The following SPAG16 variants were observed in gnomAD, a reference collection of about 807,000 sequenced individuals.
SPAG16 encodes the protein sperm-associated antigen 16 protein.
SPAG16 carries 86 observed loss-of-function variants against 80.4 expected under a neutral mutation model. That is an observed-to-expected ratio of 1.07 (90% CI 0.90 to 1.28). SPAG16 has a LOEUF of 1.28. SPAG16 is among the 50% of genes most tolerant of loss of function. SPAG16 has a pLI of 0.00. For synonymous variants in SPAG16, 294 were observed against 265.9 expected (o/e 1.11, Z -1.03); for missense variants, 870 against 765.3 (o/e 1.14, Z -1.61).
At chr2:213,453,371 A>G (rs75022987) in intron 9 of SPAG16, among the ~76,000 whole-genome samples, 2 of 152,196 alleles carry the variant, frequency 1.3e-5, no homozygotes, top group African/African-American at 4.8e-5. Context: ...CTCTAAAACT[A>G]CTATTCTGCA....
intron 10 of SPAG16, among the ~76,000 whole-genome samples, chr2:213,689,093 G>A (rs964463806): frequency 2.0e-5 from 3 of 152,150 alleles, no homozygotes; most frequent in Non-Finnish European, 4.4e-5. Context: ...CTGAGCAGCT[G>A]GGATCACAGG....
intron 10 of SPAG16, among the ~76,000 whole-genome samples, chr2:213,853,443 A>G (rs1290492308): frequency 6.6e-6 from 1 of 152,196 alleles, no homozygotes; most frequent in Non-Finnish European, 1.5e-5. Context: ...GTGTCCTATT[A>G]TAAACGAAAA....
intron 10 of SPAG16, among the ~76,000 whole-genome samples, chr2:213,686,916 C>A (rs2125281128): frequency 6.6e-6 from 1 of 150,988 alleles, no homozygotes; most frequent in East Asian, 2.0e-4. Context: ...ATGTCCTGAC[C>A]TCGTGATCTG....
At chr2:213,765,971 A>C (rs549681443) in intron 10 of SPAG16, among the ~76,000 whole-genome samples, 1 of 152,210 alleles carries the variant, frequency 6.6e-6, no homozygotes, top group South Asian at 2.1e-4. Flanking sequence ...TGAATGTAAC[A>C]TTGACCTGGA....
At chr2:213,342,437 A>T (rs76071405) in intron 6 of SPAG16, among the ~76,000 whole-genome samples, 3,532 of 149,698 alleles carry the variant, frequency 0.024, 57 homozygotes, top group African/African-American at 0.039. Flanking sequence ...TGTACATACT[A>T]CCTAAATTTT....
intron 15 of SPAG16, among the ~76,000 whole-genome samples, chr2:214,298,916 G>A (rs1694347822): frequency 6.6e-6 from 1 of 152,152 alleles, no homozygotes; most frequent in Admixed American, 6.5e-5. Flanking sequence ...ATATTTGTGA[G>A]TGCCTAGTCA....
chr2:213,445,237 A>G (rs1457582083), intron 9 of SPAG16, among the ~76,000 whole-genome samples: 1 of 152,228 alleles, frequency 6.6e-6, no homozygotes, highest in Non-Finnish European at 1.5e-5. Context: ...ACGGAAGAAA[A>G]TACTTGCAAA....
chr2:213,572,677 A>C (rs1021413012), intron 10 of SPAG16, among the ~76,000 whole-genome samples: 1 of 151,978 alleles, frequency 6.6e-6, no homozygotes, highest in Non-Finnish European at 1.5e-5. Flanking sequence ...TGCAGAGGTT[A>C]CTGCTGTCTT....
chr2:213,511,845 A>G (rs2075238177), intron 10 of SPAG16, among the ~76,000 whole-genome samples: 1 of 152,082 alleles, frequency 6.6e-6, no homozygotes, highest in Non-Finnish European at 1.5e-5. Flanking sequence ...AGGGTGGCCA[A>G]TCTACTAAAA....
At chr2:214,073,327 C>G (rs992904358) in intron 13 of SPAG16, among the ~76,000 whole-genome samples, 1 of 151,254 alleles carries the variant, frequency 6.6e-6, no homozygotes, top group Admixed American at 6.6e-5. Context: ...ACCTCCAACT[C>G]CCCTGGTTCA....
chr2:213,499,248 G>A (rs2074632507), intron 10 of SPAG16, among the ~76,000 whole-genome samples: 1 of 152,022 alleles, frequency 6.6e-6, no homozygotes, highest in African/African-American at 2.4e-5. Context: ...CCTAAAGTAT[G>A]TTTCTATACT....
rs765902702 is a variant in SPAG16 at position 214,320,830 on chromosome 2, G to A, written c.1721-89310G>A. Reference sequence around the variant, plus strand: ...TTCAAGATGAGATTTGGGTGGGGAGGCAAAGCCTAACCATATCACTTGTAC... The same window carrying A: ...TTCAAGATGAGATTTGGGTGGGGAGACAAAGCCTAACCATATCACTTGTAC... On this transcript the variant is annotated intron_variant, in intron 15 of 15. Coordinates refer to ENST00000331683, the MANE Select transcript of SPAG16 (RefSeq NM_024532.5). Among the ~76,000 whole-genome samples, 111 of 152,180 alleles carry A rather than the reference G, an allele frequency of 7.3e-4. 2 individuals are homozygous for A. The highest frequency in any genetic ancestry group is 2.8e-4 in the Non-Finnish European group (19 of 68,034).
intron 12 of SPAG16, among the ~76,000 whole-genome samples, chr2:213,936,198 C>T (rs182212401): frequency 1.4e-3 from 220 of 152,142 alleles, no homozygotes; most frequent in African/African-American, 5.2e-3. Flanking sequence ...GTAGCATGAC[C>T]CATGTGACTG....
At chr2:213,304,170 A>G (rs558821333) in intron 3 of SPAG16, among the ~76,000 whole-genome samples, 1 of 152,168 alleles carries the variant, frequency 6.6e-6, no homozygotes, top group South Asian at 2.1e-4. Flanking sequence ...ACTGTTTGCC[A>G]TTTGTATATC....
chr2:213,737,320 A>T (rs1028263297), intron 10 of SPAG16, among the ~76,000 whole-genome samples: 1 of 152,138 alleles, frequency 6.6e-6, no homozygotes, highest in Non-Finnish European at 1.5e-5. Context: ...CAGTTATAGC[A>T]TACTATACTC....
rs1004550554 is a variant in SPAG16 at position 213,754,535 on chromosome 2, G to T, written c.1071-107950G>T. Reference sequence around the variant, plus strand: ...GTCTAGTCAGTGTAGCTTCATAATTGATGTAAAACAATGCAGAAACATATT... The same window carrying T: ...GTCTAGTCAGTGTAGCTTCATAATTTATGTAAAACAATGCAGAAACATATT... On this transcript the variant is annotated intron_variant, in intron 10 of 15. Transcript: ENST00000331683. 2.0e-5 allele frequency among the ~76,000 whole-genome samples: 3 copies of T among 152,064 alleles called. No homozygotes were observed. The East Asian group carries it at 5.8e-4, about 29-fold the overall frequency.
At chr2:214,405,798 A>G (rs1701964056) in intron 15 of SPAG16, among the ~76,000 whole-genome samples, 1 of 152,218 alleles carries the variant, frequency 6.6e-6, no homozygotes, top group Non-Finnish European at 1.5e-5. Flanking sequence ...ACTCCATCTC[A>G]AAAATAAATA....
At chr2:214,268,459 C>T (rs1323073361) in intron 15 of SPAG16, among the ~76,000 whole-genome samples, 1 of 151,858 alleles carries the variant, frequency 6.6e-6, no homozygotes, top group African/African-American at 2.4e-5. Flanking sequence ...CAATAGAATA[C>T]TATTCAGCCT....
At chr2:213,854,616 G>A (rs776236995) in intron 10 of SPAG16, among the ~76,000 whole-genome samples, 20 of 152,136 alleles carry the variant, frequency 1.3e-4, no homozygotes, top group Non-Finnish European at 2.8e-4. Flanking sequence ...TCTAAGTCCT[G>A]TACAAGTATT....
Sources: allele counts gnomAD v4.1 joint callset (sites outside exome capture counted in the v4.1 genomes callset), GRCh38; gene constraint gnomAD v4.1.1; transcripts MANE v1.5; gene names NCBI Gene and HGNC (gene_info 2026-07-23, HGNC 2026-07-21).